Variants in GLDN observed in about 807,000 individuals in gnomAD.
The protein encoded by GLDN is gliomedin.
In GLDN, 47 loss-of-function variants were observed where a neutral mutation model predicts 56.5. That is an observed-to-expected ratio of 0.83 (90% CI 0.66 to 1.06). The LOEUF (loss-of-function observed/expected upper bound fraction) is 1.06, where lower values mean the gene tolerates loss of function less well. Among genes scored for constraint, GLDN ranks in the 50% least tolerant of loss-of-function variants. The pLI, the probability that GLDN is intolerant of heterozygous loss-of-function variation, is 0.00. For missense variants in GLDN, 782 were observed against 714.3 expected (o/e 1.09, Z -1.08); for synonymous variants, 332 against 278.8 (o/e 1.19, Z -1.90).
chr15:51,349,085 C>T (rs549784133), intron 1 of GLDN, among the ~76,000 whole-genome samples: 4 of 152,128 alleles, frequency 2.6e-5, no homozygotes, highest in Admixed American at 1.3e-4. Flanking sequence ...CATGTACTCC[C>T]GATTCTTAGG....
intron 4 of GLDN, among the ~76,000 whole-genome samples, chr15:51,394,012 T>A (rs1156314744): frequency 1.3e-5 from 2 of 152,218 alleles, no homozygotes; most frequent in Non-Finnish European, 2.9e-5. Flanking sequence ...GCATTGGAGA[T>A]GGAATCAGAG....
At chr15:51,348,223 G>A (rs1021742348) in intron 1 of GLDN, among the ~76,000 whole-genome samples, 1 of 152,132 alleles carries the variant, frequency 6.6e-6, no homozygotes, top group African/African-American at 2.4e-5. Flanking sequence ...TTGTCTAAAG[G>A]GGAGGCTCCC....
chr15:51,377,194 A>G, intron 1 of GLDN: 1 of 530,588 alleles, frequency 1.9e-6, no homozygotes, highest in Non-Finnish European at 3.3e-6. Context: ...CATGCATTGC[A>G]CCAAGACACT....
downstream of GLDN, among the ~76,000 whole-genome samples, chr15:51,412,562 A>T (rs2038478229): frequency 1.3e-5 from 2 of 152,132 alleles, no homozygotes; most frequent in African/African-American, 4.8e-5. Flanking sequence ...TAATACTAAC[A>T]TATGCACTCC....
intron 4 of GLDN, among the ~76,000 whole-genome samples, chr15:51,386,832 A>G (rs2037905994): frequency 6.6e-6 from 1 of 152,078 alleles, no homozygotes; most frequent in Non-Finnish European, 1.5e-5. Flanking sequence ...GTCATGCTCG[A>G]CTGGATGGAT....
At chr15:51,356,525 C>T (rs2037189790) in intron 1 of GLDN, among the ~76,000 whole-genome samples, 1 of 152,200 alleles carries the variant, frequency 6.6e-6, no homozygotes, top group South Asian at 2.1e-4. Flanking sequence ...CCAAGGAGAA[C>T]TCTGCCTTCT....
chr15:51,371,513 C>T (rs1337533005), intron 1 of GLDN, among the ~76,000 whole-genome samples: 1 of 152,132 alleles, frequency 6.6e-6, no homozygotes, highest in East Asian at 1.9e-4. Flanking sequence ...CCAAGATCCC[C>T]AAGAGTTCTG....
rs1195969844 is a variant in GLDN, at chr15:51,341,894, C to T, written c.210C>T (p.Ala70=). The change falls in exon 1 of 10, where the codon GCC becomes GCT. Residue 70 remains alanine (A), a synonymous_variant. Transcript: ENST00000335449. ...REDSALRSFL[A]ELSRAPRGAS... is the part of the protein sequence containing the mutation. ...ACAGTGCCCTGCGCTCCTTCCTGGC[C>T]GAGTTGAGCCGCGCGCCGCGCGGGG... 4 of 1,585,898 alleles carry T rather than the reference C, an allele frequency of 2.5e-6. No homozygotes were observed. Among genetic ancestry groups the T allele is most frequent in the Non-Finnish European group, 2.6e-6 (3 of 1,174,100 alleles).
At chr15:51,383,735 A>ATTT (rs11306243) in intron 3 of GLDN, 50 bp from the exon 4 acceptor site, 63 of 1,157,248 alleles carry the variant, frequency 5.4e-5, no homozygotes, top group African/African-American at 4.2e-4. Flanking sequence ...TCAGTGAATA[A>ATTT]TTTTTTTTTT....
chr15:51,393,443 T>A (rs1339948467), intron 4 of GLDN, among the ~76,000 whole-genome samples: 1 of 152,174 alleles, frequency 6.6e-6, no homozygotes, highest in Non-Finnish European at 1.5e-5. Flanking sequence ...ATGGTGGCCG[T>A]GGGAATGAGG....
chr15:51,400,211 A>G lies in GLDN; in HGVS notation c.837A>G (p.Pro279=), dbSNP rs2038218190. 6.2e-7 allele frequency: 1 copy of G among 1,614,040 alleles called. No individual in the cohort carries two copies. The highest frequency in any genetic ancestry group is 1.3e-5 in the African/African-American group (1 of 74,936). The part of the protein sequence containing the change: ...GQCPGETCAI[P]NDDTLVGKAD... Reference sequence around the variant, plus strand: ...TTTTAGGTGAGACTTGTGCCATACCAAATGATGATACCTTGGTTGGAAAAG... The same window carrying G: ...TTTTAGGTGAGACTTGTGCCATACCGAATGATGATACCTTGGTTGGAAAAG... The change falls in exon 7 of 10, where the codon CCA becomes CCG. Residue 279 remains proline, a synonymous_variant. Transcript: ENST00000335449.
chr15:51,375,118 G>A (rs2037603561), intron 1 of GLDN, among the ~76,000 whole-genome samples: 1 of 152,098 alleles, frequency 6.6e-6, no homozygotes, highest in African/African-American at 2.4e-5. Flanking sequence ...TTGACAAAAA[G>A]TAAATACAAT....
intron 1 of GLDN, among the ~76,000 whole-genome samples, chr15:51,366,983 G>T (rs146452790): frequency 6.6e-6 from 1 of 152,336 alleles, no homozygotes; most frequent in African/African-American, 2.4e-5. Flanking sequence ...AACATGCAAA[G>T]AGTGTTTTTA....
intron 1 of GLDN, among the ~76,000 whole-genome samples, chr15:51,370,476 T>C (rs2037492943): frequency 6.6e-6 from 1 of 152,224 alleles, no homozygotes; most frequent in Non-Finnish European, 1.5e-5. Flanking sequence ...CACTGGACTT[T>C]ACAAGAGTTC....
At chr15:51,376,628 A>G (rs949728350) in intron 1 of GLDN, among the ~76,000 whole-genome samples, 2 of 152,150 alleles carry the variant, frequency 1.3e-5, no homozygotes, top group African/African-American at 2.4e-5. Flanking sequence ...TTGACTTGTA[A>G]TAACACAACA....
intron 1 of GLDN, among the ~76,000 whole-genome samples, chr15:51,361,994 A>G (rs144628862): frequency 6.6e-6 from 1 of 152,324 alleles, no homozygotes; most frequent in African/African-American, 2.4e-5. Context: ...AGCTGTAATT[A>G]TAAGTAGTGT....
At chr15:51,384,486 G>A (rs1422017093) in intron 4 of GLDN, 1 of 160,012 alleles carries the variant, frequency 6.2e-6, no homozygotes, top group East Asian at 1.9e-4. Flanking sequence ...CCTTTGCCCT[G>A]TTATGAGCAG....
intron 1 of GLDN, among the ~76,000 whole-genome samples, chr15:51,366,180 C>A (rs7168123): frequency 0.014 from 2,161 of 152,224 alleles, 54 homozygotes; most frequent in African/African-American, 0.05. Context: ...GGGAGAAGAA[C>A]AATCCAAACA....
At chr15:51,402,345 CAAG>C (rs1292325993) in intron 9 of GLDN, among the ~76,000 whole-genome samples, 7 of 151,068 alleles carry the variant, frequency 4.6e-5, no homozygotes, top group African/African-American at 1.5e-4. Flanking sequence ...CTTTAGGGTT[CAAG>C]AAGAGGAAAT....
Sources: gnomAD v4.1 joint callset for allele counts (sites outside exome capture counted in the v4.1 genomes callset) on GRCh38, gnomAD v4.1.1 for gene constraint, MANE v1.5 for transcripts, NCBI Gene and HGNC (gene_info 2026-07-23, HGNC 2026-07-21) for gene names.